NBPF20: variants seen among roughly 807,000 people sequenced by gnomAD.
NBPF20 encodes NBPF family member NBPF20.
NBPF20 carries 90 observed loss-of-function variants against 68.1 expected under a neutral mutation model. The observed-to-expected ratio is 1.32, with a 90% confidence interval of 1.11 to 1.58. The LOEUF is 1.58. Ranked by LOEUF, NBPF20 falls within the 40% of genes most tolerant of loss-of-function variation. The pLI is 0.00. For synonymous variants in NBPF20, 290 were observed against 228.1 expected, an observed-to-expected ratio of 1.27 and a Z score of -2.45; for missense variants, 816 against 601.2, an observed-to-expected ratio of 1.36 and a Z score of -3.74.
At chr1:145,414,919 G>T in the NBPF20 span, among the ~76,000 whole-genome samples, 264 of 151,776 alleles carry the variant, frequency 1.7e-3, 1 homozygote, top group South Asian at 9.2e-3. Flanking sequence ...TTCTCATTAG[G>T]TGGAAGGAGA....
intron 137 of NBPF20, among the ~76,000 whole-genome samples, chr1:145,292,147 T>G (rs587646264): frequency 1.0e-3 from 151 of 149,920 alleles, no homozygotes; most frequent in Non-Finnish European, 3.4e-4. Context: ...TTCGATGCAG[T>G]GGCCATGAGA....
At chr1:145,393,519 A>G (rs1171277040) in intron 9 of NBPF20, among the ~76,000 whole-genome samples, 1 of 151,916 alleles carries the variant, frequency 6.6e-6, no homozygotes, top group Non-Finnish European at 1.5e-5. Context: ...TGGTCAGGTG[A>G]CACACTGATG....
upstream of NBPF20, among the ~76,000 whole-genome samples, chr1:145,406,639 G>A (rs1662803052): frequency 6.7e-6 from 1 of 149,626 alleles, no homozygotes; most frequent in Admixed American, 6.6e-5. Context: ...GGTGTGTAGT[G>A]ATATCATAAA....
the NBPF20 span, among the ~76,000 whole-genome samples, chr1:145,423,164 T>A: frequency 7.2e-6 from 1 of 139,692 alleles, no homozygotes; most frequent in Non-Finnish European, 1.6e-5. Context: ...TCAGGCTGGG[T>A]GCAGTGGCTC....
exon 138 of NBPF20, chr1:145,291,762 C>G (rs1142502): frequency 1.2e-6 from 2 of 1,611,764 alleles, no homozygotes; most frequent in Non-Finnish European, 1.7e-6. Context: ...ATCAGCACGC[C>G]GTTGAGCCTG....
chr1:145,404,710 G>C (rs1212695526), intron 2 of NBPF20, among the ~76,000 whole-genome samples: 2 of 152,168 alleles, frequency 1.3e-5, no homozygotes, highest in East Asian at 1.9e-4. Context: ...GGCCTCAACA[G>C]AAACTTGAAC....
chr1:145,291,941 T>C, intron 137 of NBPF20, among the ~76,000 whole-genome samples, 172 bp from the exon 143 acceptor site: 1 of 150,342 alleles, frequency 6.7e-6, no homozygotes, highest in Admixed American at 6.6e-5. Context: ...CAGGGCCAGG[T>C]AGAAAACAAT....
rs587609613 is a variant in NBPF20, at chr1:145,291,810, T to C, written c.16698-41A>G. On this transcript the variant is annotated intron_variant, in intron 137 of 137. Coordinates refer to ENST00000369373, the Ensembl canonical transcript of NBPF20. ...AAACTAAAGAAGCAGCCAGGGAAAA[T>C]CAGAAACCACAGAGCCCCACTAGAT... 24 of 1,610,966 alleles carry C rather than the reference T, an allele frequency of 1.5e-5. No individual in the cohort carries two copies. The African/African-American group carries it at 1.6e-4, about 11-fold the overall frequency.
At chr1:145,395,634 A>T (rs1182214500) in intron 7 of NBPF20, among the ~76,000 whole-genome samples, 2 of 150,164 alleles carry the variant, frequency 1.3e-5, no homozygotes, top group African/African-American at 5.1e-5. Context: ...ACAAATAGGA[A>T]AAAAGCATGT....
chr1:145,404,722 G>A (rs1273746006), intron 2 of NBPF20, among the ~76,000 whole-genome samples: 1 of 152,106 alleles, frequency 6.6e-6, no homozygotes, highest in African/African-American at 2.4e-5. Context: ...AACTTGAACT[G>A]AATAAAAGTT....
upstream of NBPF20, among the ~76,000 whole-genome samples, chr1:145,406,122 A>T (rs1662772230): frequency 7.6e-6 from 1 of 132,166 alleles, no homozygotes; most frequent in Admixed American, 8.0e-5. Flanking sequence ...TTTTTAGTAG[A>T]GACGGGGTTT....
At chr1:145,352,344 CACAG>C (rs1338037279) in intron 61 of NBPF20, among the ~76,000 whole-genome samples, 23 of 83,984 alleles carry the variant, frequency 2.7e-4, no homozygotes, top group East Asian at 1.5e-3. Context: ...CACACACACA[CACAG>C]AGAGAACGAG....
At chr1:145,409,909 G>A (rs1553668560), upstream of NBPF20, among the ~76,000 whole-genome samples, 1 of 151,586 alleles carries the variant, frequency 6.6e-6, no homozygotes, top group African/African-American at 2.4e-5. Flanking sequence ...CCTGTAACCA[G>A]TTGCAGAAGT....
intron 3 of NBPF20, 61 bp downstream of exon 8, chr1:145,403,155 C>T (rs1662606908): frequency 6.2e-7 from 1 of 1,600,262 alleles, no homozygotes; most frequent in Non-Finnish European, 8.5e-7. Context: ...CCCCACCGAG[C>T]TGCTGTATTT....
rs1661975075 is a variant in NBPF20, at chr1:145,392,839, G to T, written c.1216+235C>A. On this transcript the variant is annotated intron_variant, in intron 10 of 137. Transcript: ENST00000369373. ...TCTGCCCAGGTCGAACGTCATGAGA[G>T]TAGGATTAGGGCACCACAGGCATGG... is the stretch of plus-strand genomic sequence containing the variant. 2.0e-5 allele frequency among the ~76,000 whole-genome samples: 2 copies of T among 98,302 alleles called. 1 individual carries two copies. The highest frequency in any genetic ancestry group is 3.7e-5 in the Non-Finnish European group (2 of 54,466). The allele number at this position is 98,302 out of a possible 152,430, so 64.5% of individuals were successfully genotyped here.
chr1:145,402,770 A>C (rs1194087096), intron 3 of NBPF20, among the ~76,000 whole-genome samples: 3 of 149,880 alleles, frequency 2.0e-5, no homozygotes, highest in Non-Finnish European at 4.4e-5. Flanking sequence ...GGCCAGGTGC[A>C]GATGGGGCGA....
chr1:145,410,751 CAT>C, the NBPF20 span, among the ~76,000 whole-genome samples: 1,210 of 109,954 alleles, frequency 0.011, 20 homozygotes, highest in African/African-American at 0.032. Context: ...TATATATATA[CAT>C]ATATATATAT....
intron 7 of NBPF20, among the ~76,000 whole-genome samples, chr1:145,397,770 G>C (rs1169216495): frequency 1.3e-5 from 2 of 152,092 alleles, no homozygotes; most frequent in Admixed American, 1.3e-4. Flanking sequence ...AAATGCCCCA[G>C]TTAAAAAACA....
chr1:145,416,821 C>T, the NBPF20 span, among the ~76,000 whole-genome samples: 15 of 148,202 alleles, frequency 1.0e-4, no homozygotes, highest in East Asian at 2.3e-3. Context: ...GGCTAACACA[C>T]AAGGAGTCAC....
Sources: allele counts gnomAD v4.1 joint callset (sites outside exome capture counted in the v4.1 genomes callset), GRCh38; gene constraint gnomAD v4.1.1; transcripts MANE v1.5; gene names NCBI Gene and HGNC (gene_info 2026-07-23, HGNC 2026-07-21).